The following RUVBL2 variants were observed in gnomAD, a reference collection of about 807,000 sequenced individuals.
RUVBL2 encodes ruvB-like 2.
In RUVBL2, 9 loss-of-function variants were observed where a neutral mutation model predicts 57.9. The observed-to-expected ratio is 0.16, with a 90% confidence interval of 0.09 to 0.27. The LOEUF (loss-of-function observed/expected upper bound fraction) is 0.27. Among genes scored for constraint, RUVBL2 ranks in the 10% least tolerant of loss-of-function variants. The pLI is 1.00. For missense variants in RUVBL2, 456 were observed against 669.6 expected, an observed-to-expected ratio of 0.68 and a Z score of 3.52; for synonymous variants, 278 against 264.6, an observed-to-expected ratio of 1.05 and a Z score of -0.49.
chr19:48,993,448 G>C (rs2038982650), upstream of RUVBL2: 1 of 434,276 alleles, frequency 2.3e-6, no homozygotes, highest in Admixed American at 3.5e-5. Flanking sequence ...TGGAGTCGCT[G>C]TGTCCCGGCC....
upstream of RUVBL2, chr19:48,993,527 AG>A (rs2038985702): frequency 6.8e-6 from 3 of 442,392 alleles, no homozygotes; most frequent in African/African-American, 6.0e-5. Flanking sequence ...AGTGGCCTTC[AG>A]CTCTGTCAAT....
At chr19:49,010,100 C>T in intron 8 of RUVBL2, 34 bp downstream of exon 8, 1 of 1,587,010 alleles carries the variant, frequency 6.3e-7, no homozygotes, top group Non-Finnish European at 8.6e-7. Context: ...CCCTCGCCCC[C>T]AGCACTGGGG....
At chr19:49,008,001 C>G (rs1446081023) in intron 6 of RUVBL2, among the ~76,000 whole-genome samples, 1 of 146,922 alleles carries the variant, frequency 6.8e-6, no homozygotes, top group Middle Eastern at 3.6e-3. Flanking sequence ...GCCACCATAC[C>G]TGGCCTCTTT....
chr19:49,015,004 T>G lies in RUVBL2; in HGVS notation c.1122-17T>G. 6.3e-7 allele frequency: 1 copy of G among 1,585,902 alleles called. No individual in the cohort carries two copies. On this transcript the variant is annotated splice_polypyrimidine_tract_variant and intron_variant, in intron 12 of 14. Transcript: ENST00000595090. ...CTGGGCCCCGGCTGAGCCACCCCTG[T>G]CCCCCACTGCTTGCAGGTGCGAGGA...
intron 6 of RUVBL2, among the ~76,000 whole-genome samples, chr19:49,009,427 C>T (rs1294319632): frequency 6.7e-6 from 1 of 149,476 alleles, no homozygotes; most frequent in Non-Finnish European, 1.5e-5. Context: ...GCAGAGCTTG[C>T]AGTGAGCCGA....
chr19:48,997,825 G>T (rs1003204419), intron 1 of RUVBL2, among the ~76,000 whole-genome samples: 4 of 151,950 alleles, frequency 2.6e-5, no homozygotes, highest in Non-Finnish European at 5.9e-5. Flanking sequence ...CCTCTGGGGG[G>T]GTCCTGAATT....
intron 1 of RUVBL2, 75 bp from the exon 2 acceptor site, chr19:48,999,244 A>G (rs1453343745): frequency 6.6e-6 from 10 of 1,505,412 alleles, no homozygotes; most frequent in Non-Finnish European, 8.3e-6. Flanking sequence ...GGACCATCTC[A>G]TGGGAGGGAC....
At position 48,997,585 on chromosome 19, in the gene RUVBL2, C is replaced by T. The variant is rs911847383; in HGVS notation, c.13-1734C>T. Among the ~76,000 whole-genome samples the T allele has an allele frequency of 3.4e-5, 5 of 148,962 alleles. No individual in the cohort carries two copies. The East Asian group carries it at 5.9e-4, about 18-fold the overall frequency. ...CAGAGGTTGTAGTGAGCCAAGATTG[C>T]GCCATTGCACTCCAGCCTAGGTGAC... On this transcript the variant is annotated intron_variant, in intron 1 of 14. Coordinates refer to ENST00000595090, the MANE Select transcript of RUVBL2 (RefSeq NM_006666.3).
At chr19:49,003,228 T>C (rs1421149616) in intron 2 of RUVBL2, 51 bp from the exon 3 acceptor site, 10 of 1,309,674 alleles carry the variant, frequency 7.6e-6, no homozygotes, top group East Asian at 4.5e-5. Context: ...TCAGGCCACA[T>C]GTGCAGCAAG....
chr19:49,010,481 C>CCCCCCCACCCA lies in RUVBL2; in HGVS notation c.664-5_664-4insCCCCACCCACC. 6.2e-7 allele frequency: 1 copy of CCCCCCCACCCA among 1,602,844 alleles called. No homozygotes were observed. On this transcript the variant is annotated splice_polypyrimidine_tract_variant and splice_region_variant and intron_variant, in intron 8 of 14. Transcript: ENST00000595090. ...TCCGCCGTTCTTCCCCCACCCCCGCCCCATAGACCAAGTTCGTGCAGTGCC... is the reference window on the plus strand; with the variant it reads ...TCCGCCGTTCTTCCCCCACCCCCGCCCCCCCCACCCACCATAGACCAAGTTCGTGCAGTGCC...
At position 49,009,804 on chromosome 19, in the gene RUVBL2, A is replaced by G. The variant is rs2039369641; in HGVS notation, c.491A>G (p.Lys164Arg). The G allele has an allele frequency of 6.2e-7, 1 of 1,613,916 alleles. No homozygotes were observed. The highest frequency in any genetic ancestry group is 8.5e-7 in the Non-Finnish European group (1 of 1,179,986). Residue 164 changes from lysine (K) to arginine (R), a missense_variant, in exon 7 of 15, where the codon AAG (lysine) becomes AGG (arginine). By Grantham distance (26) the Lys-to-Arg change is conservative. Transcript: ENST00000595090. ...TCCAAGGTGGGCAAACTGACCCTCA[A>G]GACCACAGAGATGGAGACCATCTAC... is the stretch of plus-strand genomic sequence containing the variant. The part of the protein sequence containing the change: ...TGSKVGKLTL[K>R]TTEMETIYDL...
At position 49,003,401 on chromosome 19, in the gene RUVBL2, T is replaced by C. The variant is rs371857864; in HGVS notation, c.123+67T>C. 9.4e-4 allele frequency: 1,337 copies of C among 1,426,058 alleles called. 6 individuals are homozygous for C. In the African/African-American group the frequency reaches 0.016, roughly 17 times the overall value. The allele number at this position is 1,426,058 out of a possible 1,614,324, so 88.3% of individuals were successfully genotyped here. On this transcript the variant is annotated intron_variant, in intron 3 of 14. Coordinates refer to ENST00000595090, the MANE Select transcript of RUVBL2 (RefSeq NM_006666.3). ...GGTCTTGGGTAGTGGGTACCCAGGG[T>C]CCTGGGGAGTGTGGGGACTATGTTA...
chr19:49,000,915 T>G (rs2039166170), intron 2 of RUVBL2, among the ~76,000 whole-genome samples: 1 of 151,772 alleles, frequency 6.6e-6, no homozygotes, highest in Non-Finnish European at 1.5e-5. Context: ...CCTAGCACTT[T>G]GAGAGGTGGA....
chr19:48,998,717 G>A (rs867738597), intron 1 of RUVBL2, among the ~76,000 whole-genome samples: 1,867 of 116,826 alleles, frequency 0.016, 44 homozygotes, highest in African/African-American at 0.055. Flanking sequence ...CAAAAAATAA[G>A]AAAAAAAAAA....
chr19:49,015,986 T>C (rs757275035), downstream of RUVBL2: 4 of 1,614,190 alleles, frequency 2.5e-6, no homozygotes, highest in South Asian at 2.2e-5. Flanking sequence ...AGAGTGCGGA[T>C]TGAGAAGCCT....
chr19:48,996,324 G>C (rs1445336983), intron 1 of RUVBL2, among the ~76,000 whole-genome samples: 1 of 151,914 alleles, frequency 6.6e-6, no homozygotes, highest in South Asian at 2.1e-4. Flanking sequence ...TTGTTTTTTT[G>C]TTTTTTCTTT....
chr19:49,015,883 A>G lies in RUVBL2; in HGVS notation c.*41A>G, dbSNP rs1204605772. On this transcript the variant is annotated 3_prime_UTR_variant, in exon 15 of 15. Transcript: ENST00000595090. ...CCGACCCCACCCTGTTTTCCACCAG[A>G]GTTCTGACACTGTGACTCTGTATAA... 1.9e-6 allele frequency: 3 copies of G among 1,614,144 alleles called. No homozygotes were observed. Among genetic ancestry groups the G allele is most frequent in the Non-Finnish European group, 2.5e-6 (3 of 1,179,988 alleles).
At chr19:49,000,447 C>A (rs1429638450) in intron 2 of RUVBL2, among the ~76,000 whole-genome samples, 1 of 151,532 alleles carries the variant, frequency 6.6e-6, no homozygotes, top group Non-Finnish European at 1.5e-5. Context: ...CCCAGCTACT[C>A]GGGAGGCTGA....
chr19:48,996,933 T>G (rs966842100), intron 1 of RUVBL2, among the ~76,000 whole-genome samples: 9 of 151,394 alleles, frequency 5.9e-5, no homozygotes, highest in Admixed American at 5.3e-4. Context: ...AAAGTGCTGG[T>G]ATTACAGGTG....
Sources: gnomAD v4.1 joint callset for allele counts (sites outside exome capture counted in the v4.1 genomes callset) on GRCh38, gnomAD v4.1.1 for gene constraint, MANE v1.5 for transcripts, NCBI Gene and HGNC (gene_info 2026-07-23, HGNC 2026-07-21) for gene names.